The following AFAP1L2 variants were observed in gnomAD, a reference collection of about 807,000 sequenced individuals.
AFAP1L2 encodes actin filament associated protein 1 like 2.
Under a neutral mutation model 99.3 loss-of-function variants are expected in AFAP1L2, and 46 were observed. The observed-to-expected ratio is 0.46, with a 90% CI of 0.37 to 0.59. AFAP1L2 has a LOEUF of 0.59. Among genes scored for constraint, AFAP1L2 ranks in the 20% least tolerant of loss-of-function variants. The probability of loss-of-function intolerance (pLI) is 0.00; values close to 1 mark genes in which losing one functional copy is unlikely to be tolerated. For synonymous variants in AFAP1L2, 397 were observed against 419.1 expected (o/e 0.95, Z 0.64); for missense variants, 959 against 1,034.9 (o/e 0.93, Z 1.01).
At chr10:114,361,887 T>C (rs981364009) in intron 1 of AFAP1L2, among the ~76,000 whole-genome samples, 6 of 152,212 alleles carry the variant, frequency 3.9e-5, no homozygotes, top group African/African-American at 1.4e-4. Flanking sequence ...TCTGCACCTC[T>C]TGGATGAGGC....
intron 1 of AFAP1L2, among the ~76,000 whole-genome samples, chr10:114,394,161 C>T (rs2057448389): frequency 6.6e-6 from 1 of 152,088 alleles, no homozygotes; most frequent in Admixed American, 6.5e-5. Flanking sequence ...CGGCAAAGCC[C>T]CAGGGTTAGC....
intron 1 of AFAP1L2, among the ~76,000 whole-genome samples, chr10:114,389,731 G>A (rs1044784899): frequency 1.3e-5 from 2 of 152,146 alleles, no homozygotes; most frequent in African/African-American, 4.8e-5. Context: ...TACAGCCCTC[G>A]CAGTCAAATG....
chr10:114,286,355 G>C, the AFAP1L2 span: 1 of 1,613,666 alleles, frequency 6.2e-7, no homozygotes, highest in African/African-American at 1.3e-5. Context: ...AAGGGCGCGA[G>C]AGCTGCTCCT....
At chr10:114,301,762 C>T (rs1473594268) in intron 12 of AFAP1L2, 1 of 418,868 alleles carries the variant, frequency 2.4e-6, no homozygotes, top group African/African-American at 2.0e-5. Context: ...CTTCTAGGAT[C>T]TCCTTCCAGC....
At chr10:114,311,358 G>C (rs1329164502) in intron 7 of AFAP1L2, among the ~76,000 whole-genome samples, 1 of 152,254 alleles carries the variant, frequency 6.6e-6, no homozygotes, top group Non-Finnish European at 1.5e-5. Flanking sequence ...GAATTAGTTA[G>C]AGTGATTTCA....
At chr10:114,378,307 CTTATA>C (rs2055079172) in intron 1 of AFAP1L2, among the ~76,000 whole-genome samples, 1 of 152,214 alleles carries the variant, frequency 6.6e-6, no homozygotes, top group African/African-American at 2.4e-5. Flanking sequence ...CCTACTGAAG[CTTATA>C]CCCATACCTT....
chr10:114,386,125 A>T (rs61868309), intron 1 of AFAP1L2, among the ~76,000 whole-genome samples: 5,768 of 152,276 alleles, frequency 0.038, 121 homozygotes, highest in Middle Eastern at 0.095. Context: ...CAGGTAAGTT[A>T]AGGTCCCAGG....
Position 114,315,597 on chromosome 10 carries a change from G to A in AFAP1L2, c.575C>T (p.Ala192Val), listed in dbSNP as rs1590080382. 1 of 1,613,928 alleles carries A rather than the reference G, an allele frequency of 6.2e-7. No individual in the cohort carries two copies. The highest frequency in any genetic ancestry group is 8.5e-7 in the Non-Finnish European group (1 of 1,180,026). The change falls in exon 6 of 19, where the codon GCC (alanine) becomes GTC (valine). Residue 192 changes from alanine (A) to valine (V), a missense_variant. By Grantham distance (64) the Ala-to-Val change is moderately conservative. Transcript: ENST00000304129. ...GTCCTTGATGACACAGAGCTGCTTG[G>A]CCCACTGTCCCAGCCACTTCTTGCG... ...LWRKKWLGQW[A>V]KQLCVIKDNR...
At chr10:114,302,712 T>C (rs186027298) in intron 11 of AFAP1L2, among the ~76,000 whole-genome samples, 2 of 152,218 alleles carry the variant, frequency 1.3e-5, no homozygotes, top group Admixed American at 1.3e-4. Context: ...AATAATGCTG[T>C]GGACTTTTGT....
In AFAP1L2 at chr10:114,300,232, C is replaced by T. The variant is rs777198056; in HGVS notation, c.1919G>A (p.Ser640Asn). The T allele has an allele frequency of 1.5e-5, 25 of 1,614,196 alleles. No individual in the cohort carries two copies. The South Asian group carries it at 2.7e-4, about 18-fold the overall frequency. The part of the protein sequence containing the change: ...DAVVATPPGA[S>N]PPVKDRLRVT... Reference sequence around the variant, plus strand: ...GCGCAACCTGTCCTTCACAGGTGGGCTGGCACCAGGTGGGGTGGCCACCAC... The same window carrying T: ...GCGCAACCTGTCCTTCACAGGTGGGTTGGCACCAGGTGGGGTGGCCACCAC... Residue 640 changes from serine (S) to asparagine (N), a missense_variant, in exon 15 of 19, where the codon AGC (serine) becomes AAC (asparagine). By Grantham distance (46) the Ser-to-Asn change is conservative. This residue lies in a region of AFAP1L2 where 576 missense variants were observed against 562.1 expected (regional missense o/e 1.02). Coordinates refer to ENST00000304129, the MANE Select transcript of AFAP1L2 (RefSeq NM_001001936.3).
chr10:114,293,909 G>A (rs1211898362), downstream of AFAP1L2, among the ~76,000 whole-genome samples: 1 of 152,094 alleles, frequency 6.6e-6, no homozygotes, highest in Non-Finnish European at 1.5e-5. Context: ...ATCCATATCT[G>A]GTTCTTGACT....
At chr10:114,345,209 A>C in intron 1 of AFAP1L2, among the ~76,000 whole-genome samples, 1 of 137,068 alleles carries the variant, frequency 7.3e-6, no homozygotes, top group Non-Finnish European at 1.6e-5. Flanking sequence ...TCGGGGGAAC[A>C]TGGAGCATCG....
At chr10:114,286,978 G>A in the AFAP1L2 span, among the ~76,000 whole-genome samples, 1 of 152,130 alleles carries the variant, frequency 6.6e-6, no homozygotes, top group Non-Finnish European at 1.5e-5. Context: ...ACACGCGCTG[G>A]TGCAGCCACA....
At chr10:114,352,486 A>C (rs867716722) in intron 1 of AFAP1L2, among the ~76,000 whole-genome samples, 2 of 142,414 alleles carry the variant, frequency 1.4e-5, no homozygotes, top group Non-Finnish European at 1.6e-5. Context: ...AATTAAAAAA[A>C]AAAAAAAAAA....
chr10:114,362,339 G>A (rs2052554890), intron 1 of AFAP1L2, among the ~76,000 whole-genome samples: 1 of 152,210 alleles, frequency 6.6e-6, no homozygotes, highest in South Asian at 2.1e-4. Flanking sequence ...CTTTGCAGAT[G>A]TAATTAGATT....
At chr10:114,290,155 C>T, downstream of AFAP1L2, 3 of 1,509,894 alleles carry the variant, frequency 2.0e-6, no homozygotes, top group Non-Finnish European at 2.7e-6. Context: ...TAGCCTTGCA[C>T]CTCTACTGGG....
At chr10:114,313,769 G>A (rs746565288) in intron 7 of AFAP1L2, 102 bp downstream of exon 7, 14 of 1,237,346 alleles carry the variant, frequency 1.1e-5, no homozygotes, top group Non-Finnish European at 1.5e-5. Context: ...CAAACTTGAA[G>A]GATCACAAAT....
chr10:114,390,522 A>G (rs2057005745), intron 1 of AFAP1L2, among the ~76,000 whole-genome samples: 1 of 152,126 alleles, frequency 6.6e-6, no homozygotes, highest in African/African-American at 2.4e-5. Context: ...GGAGTTCAAG[A>G]CCAGCCTGAC....
At chr10:114,372,582 T>C (rs150971074) in intron 1 of AFAP1L2, among the ~76,000 whole-genome samples, 18 of 152,110 alleles carry the variant, frequency 1.2e-4, no homozygotes, top group African/African-American at 4.1e-4. Context: ...ATTAAGCTTT[T>C]ATTGGAAAAA....
Sources: allele counts gnomAD v4.1 joint callset (sites outside exome capture counted in the v4.1 genomes callset), GRCh38; gene constraint gnomAD v4.1.1; regional missense constraint gnomAD v4.1.1; transcripts MANE v1.5; gene names NCBI Gene and HGNC (gene_info 2026-07-23, HGNC 2026-07-21).